WWOX: variants seen among roughly 807,000 people sequenced by gnomAD.
WWOX encodes the protein WW domain containing oxidoreductase.
In WWOX, 69 loss-of-function variants were observed where a neutral mutation model predicts 46.2. That is an observed-to-expected ratio of 1.49 (90% CI 1.23 to 1.82). The LOEUF (loss-of-function observed/expected upper bound fraction) is 1.82. Ranked by LOEUF, WWOX falls within the 40% of genes most tolerant of loss-of-function variation. WWOX has a pLI of 0.00. For missense variants in WWOX, 919 were observed against 542.6 expected, an observed-to-expected ratio of 1.69 and a Z score of -6.89; for synonymous variants, 359 against 202.6, an observed-to-expected ratio of 1.77 and a Z score of -6.56.
intron 8 of WWOX, among the ~76,000 whole-genome samples, chr16:78,640,168 C>T (rs1233795323): frequency 1.3e-5 from 2 of 149,404 alleles, no homozygotes; most frequent in Admixed American, 1.3e-4. Flanking sequence ...TCTGGAGTTG[C>T]CAACGTCCTC....
chr16:78,964,367 G>T (rs779738902), intron 8 of WWOX, among the ~76,000 whole-genome samples: 2 of 152,196 alleles, frequency 1.3e-5, no homozygotes, highest in Non-Finnish European at 2.9e-5. Context: ...GAGCTCGTTG[G>T]GAATTGGAGC....
At chr16:78,824,327 T>C (rs2051588488) in intron 8 of WWOX, among the ~76,000 whole-genome samples, 1 of 152,142 alleles carries the variant, frequency 6.6e-6, no homozygotes, top group African/African-American at 2.4e-5. Context: ...GTGTGATTGG[T>C]TGATTTACTG....
At chr16:78,896,587 C>T (rs183820389) in intron 8 of WWOX, 4 of 152,264 alleles carry the variant, frequency 2.6e-5, no homozygotes, top group Non-Finnish European at 5.9e-5. Context: ...ACACTGAAGC[C>T]TACTCTCTTT....
At chr16:78,906,159 C>T (rs748440545) in intron 8 of WWOX, among the ~76,000 whole-genome samples, 13 of 152,114 alleles carry the variant, frequency 8.5e-5, no homozygotes, top group Non-Finnish European at 1.6e-4. Context: ...TCAGCGAAAC[C>T]TCAGCCATCT....
chr16:78,480,651 A>G (rs568370240), intron 8 of WWOX, among the ~76,000 whole-genome samples: 135 of 152,334 alleles, frequency 8.9e-4, no homozygotes, highest in African/African-American at 3.1e-3. Flanking sequence ...TACAGATAGT[A>G]CACAGATGCA....
intron 8 of WWOX, among the ~76,000 whole-genome samples, chr16:79,107,589 C>A (rs1161631797): frequency 6.6e-6 from 1 of 152,200 alleles, no homozygotes; most frequent in Non-Finnish European, 1.5e-5. Flanking sequence ...CCTGATTTTT[C>A]TTTGCTGGAG....
chr16:78,504,765 A>G (rs2085151506), intron 8 of WWOX, among the ~76,000 whole-genome samples: 1 of 152,028 alleles, frequency 6.6e-6, no homozygotes, highest in Non-Finnish European at 1.5e-5. Flanking sequence ...GGACGCATGA[A>G]GCCTCCCCGT....
intron 8 of WWOX, chr16:78,551,547 C>A (rs980474860): frequency 6.6e-6 from 1 of 152,162 alleles, no homozygotes; most frequent in African/African-American, 2.4e-5. Flanking sequence ...AAGGAATAGC[C>A]TAGACCTAAA....
At chr16:78,520,941 G>A (rs1244880881) in intron 8 of WWOX, among the ~76,000 whole-genome samples, 1 of 152,108 alleles carries the variant, frequency 6.6e-6, no homozygotes, top group Non-Finnish European at 1.5e-5. Flanking sequence ...ATAGACAGTG[G>A]CGTGCTGGGG....
intron 8 of WWOX, among the ~76,000 whole-genome samples, chr16:78,915,408 T>C (rs1460036232): frequency 6.6e-6 from 1 of 152,198 alleles, no homozygotes; most frequent in Non-Finnish European, 1.5e-5. Context: ...TAATTGTTAC[T>C]CTACAGGGCA....
chr16:78,463,250 G>A (rs543699116), intron 8 of WWOX, among the ~76,000 whole-genome samples: 2 of 152,166 alleles, frequency 1.3e-5, no homozygotes, highest in African/African-American at 4.8e-5. Flanking sequence ...GGTGCACTGC[G>A]CATGTTGGAG....
intron 8 of WWOX, among the ~76,000 whole-genome samples, chr16:78,460,556 T>C (rs918705423): frequency 1.3e-5 from 2 of 152,194 alleles, no homozygotes; most frequent in Non-Finnish European, 2.9e-5. Context: ...ATACTAGCTC[T>C]TCCACAGATG....
chr16:78,422,772 CACAT>C (rs1457721941), intron 6 of WWOX, among the ~76,000 whole-genome samples: 8 of 123,896 alleles, frequency 6.5e-5, no homozygotes, highest in Admixed American at 5.7e-4. Context: ...TATATATACA[CACAT>C]ATATATATAC....
intron 8 of WWOX, among the ~76,000 whole-genome samples, chr16:78,506,004 T>G (rs1316483233): frequency 6.6e-6 from 1 of 152,198 alleles, no homozygotes; most frequent in Non-Finnish European, 1.5e-5. Context: ...AGACACACCA[T>G]TCCCCGTCAG....
intron 8 of WWOX, chr16:79,203,533 T>C (rs1398544764): frequency 1.3e-5 from 2 of 150,130 alleles, no homozygotes; most frequent in Non-Finnish European, 3.0e-5. Flanking sequence ...TTTTCAGGAC[T>C]ATGTTATAGA....
chr16:78,168,114 A>C (rs1018396157), intron 5 of WWOX: 10 of 152,184 alleles, frequency 6.6e-5, no homozygotes, highest in African/African-American at 2.4e-4. Flanking sequence ...AAGCTCATTC[A>C]GAAGTCTTTG....
chr16:78,615,686 A>T (rs1258420735), intron 8 of WWOX, among the ~76,000 whole-genome samples: 2 of 148,286 alleles, frequency 1.3e-5, no homozygotes, highest in South Asian at 4.3e-4. Flanking sequence ...TAAATACATA[A>T]TAAATAAACA....
At chr16:78,419,625 C>CAAAAAAAAAA (rs60762734) in intron 6 of WWOX, among the ~76,000 whole-genome samples, 236 of 44,476 alleles carry the variant, frequency 5.3e-3, no homozygotes, top group Non-Finnish European at 6.6e-3. Flanking sequence ...CAAAAAATAG[C>CAAAAAAAAAA]AAAAAAAAAA....
chr16:78,222,112 C>T (rs369252821), intron 5 of WWOX, among the ~76,000 whole-genome samples: 1 of 152,070 alleles, frequency 6.6e-6, no homozygotes, highest in African/African-American at 2.4e-5. Flanking sequence ...TGTTTGAAAA[C>T]CACCAGAACC....
Sources: allele counts gnomAD v4.1 joint callset (sites outside exome capture counted in the v4.1 genomes callset), GRCh38; gene constraint gnomAD v4.1.1; transcripts MANE v1.5; gene names NCBI Gene and HGNC (gene_info 2026-07-23, HGNC 2026-07-21).